The following EBF3 variants were observed in gnomAD, a reference collection of about 807,000 sequenced individuals.
EBF3 encodes the protein EBF transcription factor 3.
Under a neutral mutation model 77.1 loss-of-function variants are expected in EBF3, and 18 were observed. The observed-to-expected ratio is 0.23, with a 90% CI of 0.16 to 0.35. The LOEUF (loss-of-function observed/expected upper bound fraction) is 0.35, where lower values mean the gene tolerates loss of function less well. EBF3 is among the 10% of genes least tolerant of loss of function. The pLI, the probability that EBF3 is intolerant of heterozygous loss-of-function variation, is 1.00. For missense variants in EBF3, 558 were observed against 860.0 expected, an observed-to-expected ratio of 0.65 and a Z score of 4.39; for synonymous variants, 350 against 343.5, an observed-to-expected ratio of 1.02 and a Z score of -0.21.
chr10:129,874,579 C>CA (rs1269081640), intron 7 of EBF3, among the ~76,000 whole-genome samples: 11 of 152,232 alleles, frequency 7.2e-5, no homozygotes, highest in Non-Finnish European at 2.9e-5. Context: ...GGCCAGGTTT[C>CA]ATCTGGGTCT....
At chr10:129,910,111 G>A (rs1012195755) in intron 6 of EBF3, among the ~76,000 whole-genome samples, 7 of 152,188 alleles carry the variant, frequency 4.6e-5, no homozygotes, top group African/African-American at 1.4e-4. Context: ...GAGCCCGCCC[G>A]GGGCTGGAGC....
At chr10:129,958,867 C>A in intron 5 of EBF3, 67 bp downstream of exon 5, 1 of 1,516,846 alleles carries the variant, frequency 6.6e-7, no homozygotes. Flanking sequence ...CTGGACGCGG[C>A]GTCCTTTGTA....
intron 6 of EBF3, among the ~76,000 whole-genome samples, chr10:129,921,922 T>C (rs1025113677): frequency 1.4e-3 from 205 of 151,424 alleles, no homozygotes; most frequent in African/African-American, 4.8e-3. Context: ...GCCCGCCCCC[T>C]GTCTCTTGCT....
intron 8 of EBF3, among the ~76,000 whole-genome samples, 181 bp downstream of exon 8, chr10:129,873,271 G>A (rs1852530261): frequency 6.6e-6 from 1 of 152,220 alleles, no homozygotes; most frequent in Non-Finnish European, 1.5e-5. Flanking sequence ...AAGGAGAAGA[G>A]AAAGCCTAGG....
At chr10:129,883,056 T>C (rs189640756) in intron 6 of EBF3, among the ~76,000 whole-genome samples, 3 of 152,362 alleles carry the variant, frequency 2.0e-5, no homozygotes, top group Admixed American at 2.0e-4. Flanking sequence ...GCTTTTTGCA[T>C]GTGGCTATCA....
chr10:129,896,831 G>A (rs150950758), intron 6 of EBF3, among the ~76,000 whole-genome samples: 12 of 152,350 alleles, frequency 7.9e-5, no homozygotes, highest in East Asian at 3.9e-4. Context: ...TTCGCCCTGC[G>A]TGAACTTGGC....
chr10:129,854,902 G>A (rs746540978), intron 10 of EBF3, among the ~76,000 whole-genome samples: 4 of 152,220 alleles, frequency 2.6e-5, no homozygotes, highest in East Asian at 1.9e-4. Context: ...CGCGGGGGCC[G>A]GCCTGGCTCC....
At chr10:129,882,375 G>A (rs1421882774) in intron 6 of EBF3, among the ~76,000 whole-genome samples, 2 of 152,244 alleles carry the variant, frequency 1.3e-5, no homozygotes, top group Admixed American at 1.3e-4. Flanking sequence ...AGAAACAAAG[G>A]AGGCTGTTTA....
chr10:129,941,144 C>T (rs1488261686), intron 6 of EBF3, among the ~76,000 whole-genome samples: 1 of 152,206 alleles, frequency 6.6e-6, no homozygotes, highest in African/African-American at 2.4e-5. Flanking sequence ...AAACATCCTA[C>T]CTCCATAGTA....
chr10:129,914,823 A>G (rs771851829), intron 6 of EBF3, among the ~76,000 whole-genome samples: 2 of 152,138 alleles, frequency 1.3e-5, no homozygotes, highest in Non-Finnish European at 2.9e-5. Context: ...CCTGCACCCA[A>G]CGGGTGTCAT....
chr10:129,865,244 G>A (rs1851919750), intron 10 of EBF3, among the ~76,000 whole-genome samples: 1 of 152,224 alleles, frequency 6.6e-6, no homozygotes, highest in Admixed American at 6.5e-5. Context: ...CCAGGTACCT[G>A]GGGCCTACAG....
chr10:129,858,372 AC>A (rs1851397666), intron 10 of EBF3, among the ~76,000 whole-genome samples: 1 of 152,202 alleles, frequency 6.6e-6, no homozygotes, highest in African/African-American at 2.4e-5. Context: ...TCTCGATGCC[AC>A]CTGTCCTGAA....
chr10:129,838,218 G>C (rs1473892794), intron 16 of EBF3, among the ~76,000 whole-genome samples: 1 of 152,354 alleles, frequency 6.6e-6, no homozygotes. Flanking sequence ...GCTTCTTTTG[G>C]AAAAGGGAAG....
Position 129,947,106 on chromosome 10 carries a change from A to G in EBF3, c.554+10152T>C, listed in dbSNP as rs978694788. Among the ~76,000 whole-genome samples, 1 of 152,194 alleles carries G rather than the reference A, an allele frequency of 6.6e-6. No individual in the cohort carries two copies. The highest frequency in any genetic ancestry group is 2.4e-5 in the African/African-American group (1 of 41,454). ...TTCCTGACCCAATCTTCCTCGTGTCAGGGGACGAGCCGCTTCATTGAGAAA... is the reference window on the plus strand; with the variant it reads ...TTCCTGACCCAATCTTCCTCGTGTCGGGGGACGAGCCGCTTCATTGAGAAA... On this transcript the variant is annotated intron_variant, in intron 6 of 16. Coordinates refer to ENST00000440978, the MANE Select transcript of EBF3 (RefSeq NM_001375380.1). This position sits in a 1 kb window ranked among gnomAD's most constrained non-coding sequence, Gnocchi z 4.5.
intron 8 of EBF3, among the ~76,000 whole-genome samples, chr10:129,873,181 G>A (rs545564493): frequency 2.0e-5 from 3 of 152,210 alleles, no homozygotes; most frequent in South Asian, 2.1e-4. Context: ...AATTAAAATC[G>A]CAAGAAAAGC....
chr10:129,928,967 TAAA>T, intron 6 of EBF3, among the ~76,000 whole-genome samples: 1 of 152,326 alleles, frequency 6.6e-6, no homozygotes, highest in South Asian at 2.1e-4. Flanking sequence ...GCAATATTAG[TAAA>T]ACGGCCAGAG....
chr10:129,930,319 T>A (rs1856918747), intron 6 of EBF3, among the ~76,000 whole-genome samples: 1 of 152,102 alleles, frequency 6.6e-6, no homozygotes, highest in African/African-American at 2.4e-5. Context: ...AATCCCCCTC[T>A]CATATATCTA....
At position 129,867,753 on chromosome 10, in the gene EBF3, C is replaced by T. The variant is rs749121858; in HGVS notation, c.912+29G>A. The T allele has an allele frequency of 2.6e-5, 42 of 1,612,300 alleles. No individual in the cohort carries two copies. The East Asian group carries it at 6.2e-4, about 24-fold the overall frequency. ...AATCCATTCATGAAGACAGCAACAG[C>T]GCGAAGCTGACCGAGTCCGCGGGCT... is the stretch of plus-strand genomic sequence containing the variant. On this transcript the variant is annotated intron_variant, in intron 9 of 16. Transcript: ENST00000440978.
chr10:129,910,649 G>T (rs1855464311), intron 6 of EBF3, among the ~76,000 whole-genome samples: 1 of 152,026 alleles, frequency 6.6e-6, no homozygotes, highest in Admixed American at 6.5e-5. Flanking sequence ...TCCCTGCTGT[G>T]GGTCCCCCCT....
Sources: allele counts gnomAD v4.1 joint callset (sites outside exome capture counted in the v4.1 genomes callset), GRCh38; gene constraint gnomAD v4.1.1; non-coding constraint Gnocchi (gnomAD v3.1); transcripts MANE v1.5; gene names NCBI Gene and HGNC (gene_info 2026-07-23, HGNC 2026-07-21).